The following CNTNAP2 variants were observed in gnomAD, a reference collection of about 807,000 sequenced individuals.
CNTNAP2 encodes contactin-associated protein-like 2.
Under a neutral mutation model 155.2 loss-of-function variants are expected in CNTNAP2, and 98 were observed. The ratio of observed to expected loss-of-function variants is 0.63; its 90% confidence interval spans 0.54 to 0.75. The LOEUF (loss-of-function observed/expected upper bound fraction) is 0.75, where lower values mean the gene tolerates loss of function less well. Among genes scored for constraint, CNTNAP2 ranks in the 30% least tolerant of loss-of-function variants. The pLI is 0.00. For missense variants in CNTNAP2, 1,727 were observed against 1,688.1 expected (o/e 1.02, Z -0.40); for synonymous variants, 651 against 631.2 (o/e 1.03, Z -0.47).
intron 13 of CNTNAP2, among the ~76,000 whole-genome samples, chr7:147,751,666 T>G (rs769756226): frequency 2.0e-5 from 3 of 152,250 alleles, no homozygotes; most frequent in Non-Finnish European, 4.4e-5. Context: ...GAGTATGTGT[T>G]GATTCTTTAA....
chr7:146,307,830 C>A (rs1484420159), intron 1 of CNTNAP2, among the ~76,000 whole-genome samples: 1 of 152,034 alleles, frequency 6.6e-6, no homozygotes, highest in East Asian at 1.9e-4. Context: ...GAAATTAATT[C>A]AAGATGGATT....
intron 9 of CNTNAP2, among the ~76,000 whole-genome samples, chr7:147,345,962 G>A (rs1212005869): frequency 6.6e-6 from 1 of 151,820 alleles, no homozygotes; most frequent in East Asian, 1.9e-4. Context: ...TTAATTAATA[G>A]GCCGCAAACA....
intron 4 of CNTNAP2, among the ~76,000 whole-genome samples, chr7:147,069,115 C>T (rs941862918): frequency 6.6e-6 from 1 of 152,152 alleles, no homozygotes; most frequent in South Asian, 2.1e-4. Context: ...CAAGAATTCA[C>T]TCATCACCCG....
At chr7:146,360,543 A>T (rs1482057841) in intron 1 of CNTNAP2, among the ~76,000 whole-genome samples, 4 of 152,188 alleles carry the variant, frequency 2.6e-5, no homozygotes, top group African/African-American at 4.8e-5. Context: ...CATTTTGTTG[A>T]ATTTAGAGAG....
At chr7:147,947,441 G>T (rs925836289) in intron 14 of CNTNAP2, among the ~76,000 whole-genome samples, 2 of 123,538 alleles carry the variant, frequency 1.6e-5, no homozygotes, top group Non-Finnish European at 3.3e-5. Flanking sequence ...AACATAGGGA[G>T]ACCCTGTCTC....
At chr7:146,350,340 C>T (rs1440546674) in intron 1 of CNTNAP2, among the ~76,000 whole-genome samples, 1 of 151,836 alleles carries the variant, frequency 6.6e-6, no homozygotes, top group African/African-American at 2.4e-5. Flanking sequence ...AAGAAAAAAA[C>T]AAACAACCCC....
chr7:147,369,542 A>G (rs970985833), intron 9 of CNTNAP2, among the ~76,000 whole-genome samples: 1 of 152,226 alleles, frequency 6.6e-6, no homozygotes, highest in African/African-American at 2.4e-5. Flanking sequence ...TAAGTCAAGA[A>G]TCAGCAGTCT....
chr7:146,681,153 G>GA (rs1800494232), intron 1 of CNTNAP2, among the ~76,000 whole-genome samples: 3 of 151,598 alleles, frequency 2.0e-5, no homozygotes, highest in Admixed American at 6.6e-5. Context: ...AAGCGTCACA[G>GA]AAAAAATGAT....
chr7:146,669,549 G>T (rs1036067826), intron 1 of CNTNAP2, among the ~76,000 whole-genome samples: 5 of 152,120 alleles, frequency 3.3e-5, no homozygotes, highest in African/African-American at 1.2e-4. Flanking sequence ...TGTGTTTTAA[G>T]TATATATTGA....
intron 1 of CNTNAP2, among the ~76,000 whole-genome samples, chr7:146,420,432 AG>A (rs1403887405): frequency 4.6e-5 from 7 of 152,096 alleles, no homozygotes; most frequent in African/African-American, 1.7e-4. Context: ...CATTGGAGAC[AG>A]GTGCAATAGT....
chr7:146,868,697 G>C (rs995784067), intron 3 of CNTNAP2, among the ~76,000 whole-genome samples: 2 of 152,010 alleles, frequency 1.3e-5, no homozygotes, highest in Non-Finnish European at 2.9e-5. Context: ...TCCTTGAGCA[G>C]TGTTTTGTAA....
intron 13 of CNTNAP2, among the ~76,000 whole-genome samples, chr7:147,862,009 A>C (rs1799143331): frequency 6.6e-6 from 1 of 151,328 alleles, no homozygotes; most frequent in Non-Finnish European, 1.5e-5. Flanking sequence ...CAAAAAAAAA[A>C]AAAAAAAAAA....
intron 16 of CNTNAP2, among the ~76,000 whole-genome samples, chr7:148,130,981 A>G (rs1203455496): frequency 6.6e-6 from 1 of 151,424 alleles, no homozygotes; most frequent in African/African-American, 2.4e-5. Flanking sequence ...GGAGTAGTTT[A>G]TCATTACTCC....
chr7:147,231,223 A>C (rs2116617649), intron 8 of CNTNAP2, among the ~76,000 whole-genome samples: 1 of 152,296 alleles, frequency 6.6e-6, no homozygotes, highest in East Asian at 1.9e-4. Flanking sequence ...ATATCACCTA[A>C]TGTCCTCCAG....
At chr7:146,442,680 C>T (rs551092575) in intron 1 of CNTNAP2, among the ~76,000 whole-genome samples, 56 of 152,238 alleles carry the variant, frequency 3.7e-4, no homozygotes, top group African/African-American at 1.3e-3. Flanking sequence ...CCTTGAGTCC[C>T]CTCCTGCTCA....
chr7:147,919,480 A>T lies in CNTNAP2; in HGVS notation c.2255+15759A>T, dbSNP rs1195182373. Among the ~76,000 whole-genome samples, 3 of 13,680 alleles carry T rather than the reference A, an allele frequency of 2.2e-4. 1 individual carries two copies. Among genetic ancestry groups the T allele is most frequent in the East Asian group, 7.7e-3 (2 of 260 alleles). 9.0% of individuals were successfully genotyped at this position (13,680 alleles called of 152,430 possible). ...CTTTCTTTTTTTTTTTTTTTTTGAG[A>T]CAGAGTCTTGCTCTGTCTCCCAGGC... On this transcript the variant is annotated intron_variant, in intron 14 of 23. Transcript: ENST00000361727.
chr7:147,319,258 TTAAG>T (rs1160442458), intron 9 of CNTNAP2, among the ~76,000 whole-genome samples: 1 of 152,226 alleles, frequency 6.6e-6, no homozygotes, highest in Non-Finnish European at 1.5e-5. Flanking sequence ...TTTAAAAACA[TTAAG>T]TATATATACA....
chr7:147,678,013 T>C (rs56241427), intron 13 of CNTNAP2, among the ~76,000 whole-genome samples: 2,362 of 151,892 alleles, frequency 0.016, 66 homozygotes, highest in African/African-American at 0.055. Context: ...CTCATCATCG[T>C]TTAGGGTATA....
chr7:147,739,463 G>A (rs1796919512), intron 13 of CNTNAP2, among the ~76,000 whole-genome samples: 1 of 152,112 alleles, frequency 6.6e-6, no homozygotes, highest in African/African-American at 2.4e-5. Flanking sequence ...AATAAAAACA[G>A]TGAGTTTCTA....
Sources: allele counts gnomAD v4.1 joint callset (sites outside exome capture counted in the v4.1 genomes callset), GRCh38; gene constraint gnomAD v4.1.1; transcripts MANE v1.5; gene names NCBI Gene and HGNC (gene_info 2026-07-23, HGNC 2026-07-21).